The following KIAA0825 variants were observed in gnomAD, a reference collection of about 807,000 sequenced individuals.
The protein encoded by KIAA0825 is KIAA0825.
KIAA0825 carries 119 observed loss-of-function variants against 147.6 expected under a neutral mutation model. The ratio of observed to expected loss-of-function variants is 0.81; its 90% CI spans 0.69 to 0.94. The LOEUF is 0.94. Ranked by LOEUF, KIAA0825 falls within the 40% of genes least tolerant of loss-of-function variation. KIAA0825 has a pLI of 0.00. For missense variants in KIAA0825, 1,381 were observed against 1,472.7 expected (o/e 0.94, Z 1.02); for synonymous variants, 470 against 518.1 (o/e 0.91, Z 1.26).
At chr5:94,610,426 CAA>C (rs199687437) in intron 1 of KIAA0825, among the ~76,000 whole-genome samples, 6 of 63,168 alleles carry the variant, frequency 9.5e-5, no homozygotes, top group Non-Finnish European at 2.0e-4. Flanking sequence ...AAGACTGTCT[CAA>C]AAAAAAAAAA....
At chr5:94,597,014 C>T (rs1785435121) in intron 1 of KIAA0825, among the ~76,000 whole-genome samples, 1 of 152,228 alleles carries the variant, frequency 6.6e-6, no homozygotes, top group South Asian at 2.1e-4. Context: ...AAAATCATGT[C>T]ATCTGCAAAC....
intron 1 of KIAA0825, among the ~76,000 whole-genome samples, chr5:94,605,066 G>T (rs2152425937): frequency 6.6e-6 from 1 of 151,808 alleles, no homozygotes; most frequent in Non-Finnish European, 1.5e-5. Context: ...AACACAATCA[G>T]GAATAATAAG....
At chr5:94,178,611 A>G (rs908033616) in intron 20 of KIAA0825, among the ~76,000 whole-genome samples, 3 of 152,032 alleles carry the variant, frequency 2.0e-5, no homozygotes, top group African/African-American at 7.2e-5. Context: ...GAATTATTGA[A>G]TAACTGAGAA....
rs115928113 is a variant in KIAA0825, at chr5:94,500,498, T to C, written c.971-15568A>G. Among the ~76,000 whole-genome samples, 1,472 of 152,032 alleles carry C rather than the reference T, an allele frequency of 9.7e-3. 31 individuals are homozygous for C. Among genetic ancestry groups the C allele is most frequent in the African/African-American group, 0.034 (1,409 of 41,458 alleles). On this transcript the variant is annotated intron_variant, in intron 5 of 20. Transcript: ENST00000682413. ...GGGAGAATGAATCATAGTTTCTGGGTGAGTGATTATTAGCAGCATTAACTT... is the reference window on the plus strand; with the variant it reads ...GGGAGAATGAATCATAGTTTCTGGGCGAGTGATTATTAGCAGCATTAACTT...
chr5:94,396,055 G>T, intron 17 of KIAA0825, 46 bp downstream of exon 17: 2 of 1,384,436 alleles, frequency 1.4e-6, no homozygotes, highest in East Asian at 2.7e-5. Context: ...TTTTGTTATT[G>T]TGAAAGCATT....
intron 20 of KIAA0825, among the ~76,000 whole-genome samples, chr5:94,377,928 A>T (rs1747820168): frequency 6.6e-6 from 1 of 152,176 alleles, no homozygotes; most frequent in Non-Finnish European, 1.5e-5. Flanking sequence ...TAACAAACAC[A>T]AACTCTGTCA....
intron 20 of KIAA0825, among the ~76,000 whole-genome samples, chr5:94,180,202 A>G (rs1769478750): frequency 1.3e-5 from 2 of 152,100 alleles, no homozygotes; most frequent in South Asian, 4.1e-4. Flanking sequence ...TGATACAATA[A>G]ACTGACAAGG....
intron 5 of KIAA0825, among the ~76,000 whole-genome samples, chr5:94,503,756 C>T (rs1765370794): frequency 6.6e-6 from 1 of 152,186 alleles, no homozygotes; most frequent in African/African-American, 2.4e-5. Flanking sequence ...CCTCTCTGAT[C>T]TTTCCCAAGG....
At chr5:94,491,047 A>G (rs1243839324) in intron 5 of KIAA0825, among the ~76,000 whole-genome samples, 1 of 152,188 alleles carries the variant, frequency 6.6e-6, no homozygotes, top group African/African-American at 2.4e-5. Flanking sequence ...GTAAGATACA[A>G]GAGAAAATGA....
chr5:94,546,307 G>C (rs1239848778), intron 2 of KIAA0825, among the ~76,000 whole-genome samples: 1 of 152,156 alleles, frequency 6.6e-6, no homozygotes, highest in Non-Finnish European at 1.5e-5. Context: ...GCCCTGAAGG[G>C]AGGGTACAAA....
chr5:94,405,269 T>C (rs760051362), intron 15 of KIAA0825, among the ~76,000 whole-genome samples: 82 of 152,370 alleles, frequency 5.4e-4, no homozygotes, highest in Middle Eastern at 3.4e-3. Context: ...GTTACTTTTA[T>C]GTTAAAATTT....
At chr5:94,346,366 C>G (rs1782987396) in intron 20 of KIAA0825, among the ~76,000 whole-genome samples, 1 of 152,074 alleles carries the variant, frequency 6.6e-6, no homozygotes, top group Non-Finnish European at 1.5e-5. Flanking sequence ...ATATTAAAAG[C>G]ACAGAATTTT....
At chr5:94,527,183 T>C (rs998325663) in intron 3 of KIAA0825, among the ~76,000 whole-genome samples, 8 of 152,054 alleles carry the variant, frequency 5.3e-5, no homozygotes, top group African/African-American at 1.9e-4. Flanking sequence ...TGTATGTATA[T>C]ATGCACCAGC....
chr5:94,261,373 T>A (rs2150132235), intron 20 of KIAA0825, among the ~76,000 whole-genome samples: 1 of 152,220 alleles, frequency 6.6e-6, no homozygotes, highest in South Asian at 2.1e-4. Flanking sequence ...CTTTCCATAA[T>A]GTTATTGACT....
At chr5:94,554,608 T>C (rs1356580311) in intron 2 of KIAA0825, among the ~76,000 whole-genome samples, 1 of 150,750 alleles carries the variant, frequency 6.6e-6, no homozygotes, top group Non-Finnish European at 1.5e-5. Flanking sequence ...AATTCAGTGA[T>C]CTCATTCATT....
At chr5:94,411,723 C>A (rs1032852283) in intron 15 of KIAA0825, among the ~76,000 whole-genome samples, 1 of 151,688 alleles carries the variant, frequency 6.6e-6, no homozygotes, top group African/African-American at 2.4e-5. Flanking sequence ...CTGAGGCAGG[C>A]AGATCATGAA....
At chr5:94,533,067 C>T (rs1771175922) in intron 3 of KIAA0825, among the ~76,000 whole-genome samples, 1 of 151,474 alleles carries the variant, frequency 6.6e-6, no homozygotes, top group Non-Finnish European at 1.5e-5. Context: ...CAAGCTCTGC[C>T]TCCCGGGTTC....
At chr5:94,202,160 A>G (rs1426662436) in intron 20 of KIAA0825, among the ~76,000 whole-genome samples, 2 of 152,252 alleles carry the variant, frequency 1.3e-5, no homozygotes, top group East Asian at 3.8e-4. Flanking sequence ...GCAAAGCCAA[A>G]GAATATTTGG....
intron 15 of KIAA0825, among the ~76,000 whole-genome samples, chr5:94,409,784 G>A (rs1752518688): frequency 6.6e-6 from 1 of 152,152 alleles, no homozygotes; most frequent in African/African-American, 2.4e-5. Flanking sequence ...ACCAGGCCTA[G>A]AATAAAGACT....
Sources: gnomAD v4.1 joint callset for allele counts (sites outside exome capture counted in the v4.1 genomes callset) on GRCh38, gnomAD v4.1.1 for gene constraint, MANE v1.5 for transcripts, NCBI Gene and HGNC (gene_info 2026-07-23, HGNC 2026-07-21) for gene names.